The following MIS18A variants were observed in gnomAD, a reference collection of about 807,000 sequenced individuals.
MIS18A encodes the protein MIS18 kinetochore protein A.
MIS18A carries 14 observed loss-of-function variants against 25.0 expected under a neutral mutation model. The ratio of observed to expected loss-of-function variants is 0.56; its 90% CI spans 0.37 to 0.88. The LOEUF (loss-of-function observed/expected upper bound fraction) is 0.88. MIS18A is among the 40% of genes least tolerant of loss of function. The pLI is 0.00. For missense variants in MIS18A, 292 were observed against 290.8 expected (o/e 1.00, Z -0.03); for synonymous variants, 134 against 118.6 (o/e 1.13, Z -0.84).
the MIS18A span, among the ~76,000 whole-genome samples, chr21:32,166,264 G>A: frequency 2.6e-5 from 4 of 152,208 alleles, no homozygotes; most frequent in Admixed American, 2.0e-4. Context: ...AAATCAACCA[G>A]GAGGTCATGG....
At chr21:32,237,442 A>G in the MIS18A span, among the ~76,000 whole-genome samples, 1 of 152,248 alleles carries the variant, frequency 6.6e-6, no homozygotes, top group South Asian at 2.1e-4. Flanking sequence ...GCCAATTGCC[A>G]TAGCTTAATA....
the MIS18A span, among the ~76,000 whole-genome samples, chr21:32,241,380 A>AAAAC: frequency 0.055 from 8,357 of 151,800 alleles, 299 homozygotes; most frequent in Middle Eastern, 0.11. Flanking sequence ...AAAAAAAAAA[A>AAAAC]AAAAAACTCA....
At chr21:32,227,745 C>A in the MIS18A span, among the ~76,000 whole-genome samples, 2 of 152,156 alleles carry the variant, frequency 1.3e-5, no homozygotes, top group Non-Finnish European at 2.9e-5. Flanking sequence ...AAAGACATCA[C>A]AAGAGAAGAA....
chr21:32,221,135 A>G, the MIS18A span, among the ~76,000 whole-genome samples: 1 of 152,190 alleles, frequency 6.6e-6, no homozygotes, highest in East Asian at 1.9e-4. Context: ...AGAGAAAACC[A>G]GAAAGATACT....
At chr21:32,218,417 C>T in the MIS18A span, among the ~76,000 whole-genome samples, 1 of 152,082 alleles carries the variant, frequency 6.6e-6, no homozygotes, top group East Asian at 1.9e-4. Flanking sequence ...GTGTTTTACT[C>T]TTTTTTCTCC....
At chr21:32,276,942 TA>T (rs1015369205) in intron 1 of MIS18A, among the ~76,000 whole-genome samples, 4 of 151,492 alleles carry the variant, frequency 2.6e-5, no homozygotes, top group Middle Eastern at 3.4e-3. Context: ...ATAACCCTAT[TA>T]AAAAAAAACC....
rs1000321400 is a variant in MIS18A, at chr21:32,268,804, T to C, written c.*233A>G. ...AATTCTACAATTTTGGGTTTTTTTT[T>C]TGAGAGAAGGTCTCACTCTGTTGCC... On this transcript the variant is annotated 3_prime_UTR_variant, in exon 5 of 5. Coordinates refer to ENST00000290130, the MANE Select transcript of MIS18A (RefSeq NM_018944.3). 5.7e-6 allele frequency: 2 copies of C among 350,974 alleles called. No homozygotes were observed. The highest frequency in any genetic ancestry group is 4.2e-5 in the African/African-American group (2 of 47,258). The allele number at this position is 350,974 out of a possible 1,614,324, so 21.7% of individuals were successfully genotyped here.
At chr21:32,238,988 C>T in the MIS18A span, among the ~76,000 whole-genome samples, 3 of 152,156 alleles carry the variant, frequency 2.0e-5, no homozygotes, top group South Asian at 2.1e-4. Flanking sequence ...ATAAGAGATA[C>T]GGATTCCACC....
chr21:32,159,128 TA>T, the MIS18A span, among the ~76,000 whole-genome samples: 37 of 152,254 alleles, frequency 2.4e-4, no homozygotes, highest in East Asian at 6.8e-3. Flanking sequence ...ATAAGAATGT[TA>T]AAAAAATGTT....
the MIS18A span, among the ~76,000 whole-genome samples, chr21:32,218,910 C>CA: frequency 2.6e-5 from 4 of 151,780 alleles, no homozygotes; most frequent in African/African-American, 7.3e-5. Context: ...ATTAAAAATA[C>CA]AAAAAACATT....
chr21:32,175,646 GA>G, the MIS18A span, among the ~76,000 whole-genome samples: 8 of 135,564 alleles, frequency 5.9e-5, no homozygotes, highest in Non-Finnish European at 7.8e-5. Flanking sequence ...GGTCTCTACT[GA>G]AAAAAAAAAA....
the MIS18A span, among the ~76,000 whole-genome samples, chr21:32,243,622 C>T: frequency 2.0e-5 from 3 of 152,188 alleles, no homozygotes; most frequent in African/African-American, 7.2e-5. Flanking sequence ...TAAACACAGA[C>T]TTACCATATG....
the MIS18A span, among the ~76,000 whole-genome samples, chr21:32,240,522 T>C: frequency 1.3e-5 from 2 of 152,220 alleles, no homozygotes; most frequent in East Asian, 1.9e-4. Flanking sequence ...TATTTTCTTA[T>C]AGCAGCCAAA....
downstream of MIS18A, among the ~76,000 whole-genome samples, chr21:32,266,737 G>A (rs994009974): frequency 2.0e-5 from 3 of 151,894 alleles, no homozygotes; most frequent in Non-Finnish European, 4.4e-5. Context: ...CACCTTAAGA[G>A]CTGTAACACT....
chr21:32,217,001 A>G, the MIS18A span, among the ~76,000 whole-genome samples: 1 of 152,218 alleles, frequency 6.6e-6, no homozygotes. Flanking sequence ...AACCCTGGAG[A>G]GGGGTGAAGA....
At chr21:32,183,092 C>A in the MIS18A span, among the ~76,000 whole-genome samples, 5,521 of 152,256 alleles carry the variant, frequency 0.036, 269 homozygotes, top group East Asian at 0.11. Flanking sequence ...GATTCTGGGG[C>A]AGGAGCTGGT....
intron 2 of MIS18A, 189 bp from the exon 3 acceptor site, chr21:32,270,718 G>C: frequency 2.1e-6 from 1 of 484,730 alleles, no homozygotes; most frequent in Non-Finnish European, 3.3e-6. Flanking sequence ...CAGCCACGAT[G>C]CCTTAAGTAT....
the MIS18A span, among the ~76,000 whole-genome samples, chr21:32,194,407 C>A: frequency 0.15 from 22,851 of 152,042 alleles, 1,823 homozygotes; most frequent in East Asian, 0.24. Flanking sequence ...CGCCTATAAT[C>A]CCAGTACTTT....
chr21:32,239,510 G>T, the MIS18A span, among the ~76,000 whole-genome samples: 1 of 152,152 alleles, frequency 6.6e-6, no homozygotes, highest in Admixed American at 6.5e-5. Context: ...AGTGAGAAAA[G>T]AATTTCTATC....
Sources: gnomAD v4.1 joint callset for allele counts (sites outside exome capture counted in the v4.1 genomes callset) on GRCh38, gnomAD v4.1.1 for gene constraint, MANE v1.5 for transcripts, NCBI Gene and HGNC (gene_info 2026-07-23, HGNC 2026-07-21) for gene names.